The following INPP5A variants were observed in gnomAD, a reference collection of about 807,000 sequenced individuals.
INPP5A encodes the protein 43 kDa inositol polyphosphate 5-phophatase.
INPP5A carries 14 observed loss-of-function variants against 65.2 expected under a neutral mutation model. The observed-to-expected ratio is 0.21, with a 90% CI of 0.14 to 0.34. The LOEUF is 0.34. Among genes scored for constraint, INPP5A ranks in the 10% least tolerant of loss-of-function variants. The pLI is 1.00. For missense variants in INPP5A, 431 were observed against 545.6 expected, an observed-to-expected ratio of 0.79 and a Z score of 2.09; for synonymous variants, 207 against 208.3, an observed-to-expected ratio of 0.99 and a Z score of 0.05.
chr10:132,589,298 T>C (rs1250349721), intron 1 of INPP5A, among the ~76,000 whole-genome samples: 3 of 152,238 alleles, frequency 2.0e-5, no homozygotes, highest in Non-Finnish European at 4.4e-5. Context: ...GCATGCGGGC[T>C]CGAGGAAGCT....
In INPP5A at chr10:132,663,014, T is replaced by A. The variant is rs555904436; in HGVS notation, c.306+12509T>A. Among the ~76,000 whole-genome samples the A allele has an allele frequency of 4.6e-5, 7 of 152,272 alleles. No individual in the cohort carries two copies. Among genetic ancestry groups the A allele is most frequent in the Admixed American group, 1.3e-4 (2 of 15,290 alleles). On this transcript the variant is annotated intron_variant, in intron 4 of 15. Transcript: ENST00000368594. This position sits in a 1 kb window ranked among gnomAD's most constrained non-coding sequence, Gnocchi z 4.5. ...AAAATCTAGTCTTGTGGTGGATGGC[T>A]TGTGAGGGGTCAAACTGCAGATTTA... is the stretch of plus-strand genomic sequence containing the variant.
chr10:132,631,396 G>A (rs78510102), intron 2 of INPP5A, among the ~76,000 whole-genome samples: 2,777 of 152,306 alleles, frequency 0.018, 53 homozygotes, highest in East Asian at 0.071. Flanking sequence ...CCCCCACCCA[G>A]GGCAAGGGTG....
chr10:132,538,018 A>C lies in INPP5A; in HGVS notation c.-79A>C. On this transcript the variant is annotated 5_prime_UTR_variant, in exon 1 of 16. Coordinates refer to ENST00000368594, the MANE Select transcript of INPP5A (RefSeq NM_005539.5). This position sits in a 1 kb window ranked among gnomAD's most constrained non-coding sequence, Gnocchi z 4.1. Reference sequence around the variant, plus strand: ...GCAGCTGACGCCCCGCGGCCCCGCGAAGACCCCGGCCGGCCGGTCCCGGAG... The same window carrying C: ...GCAGCTGACGCCCCGCGGCCCCGCGCAGACCCCGGCCGGCCGGTCCCGGAG... The C allele has an allele frequency of 1.5e-6, 1 of 676,640 alleles. No homozygotes were observed. The highest frequency in any genetic ancestry group is 1.8e-6 in the Non-Finnish European group (1 of 550,254). The allele number at this position is 676,640 out of a possible 1,614,324, so 41.9% of individuals were successfully genotyped here. A position where few individuals can be genotyped will look rare whatever the true frequency, so the allele number is the denominator to read the frequency against.
At chr10:132,607,037 G>A (rs1384573462) in intron 1 of INPP5A, among the ~76,000 whole-genome samples, 2 of 152,200 alleles carry the variant, frequency 1.3e-5, no homozygotes, top group African/African-American at 2.4e-5. Context: ...GAGCGTGGGC[G>A]GCTTGTGCTG....
At chr10:132,681,566 A>G (rs2073045541) in intron 4 of INPP5A, among the ~76,000 whole-genome samples, 1 of 152,254 alleles carries the variant, frequency 6.6e-6, no homozygotes, top group Non-Finnish European at 1.5e-5. Flanking sequence ...CAGTGAGACC[A>G]AGAACCCACC....
At chr10:132,771,462 C>G (rs1346805046) in intron 12 of INPP5A, among the ~76,000 whole-genome samples, 1 of 152,242 alleles carries the variant, frequency 6.6e-6, no homozygotes, top group African/African-American at 2.4e-5. Context: ...AATGCCAGCT[C>G]CATGAAATCA....
chr10:132,776,301 T>G (rs997325264), intron 12 of INPP5A, among the ~76,000 whole-genome samples: 17 of 152,094 alleles, frequency 1.1e-4, no homozygotes, highest in Non-Finnish European at 2.5e-4. Flanking sequence ...TGAGTGTGGC[T>G]CCCGCTGGAG....
At chr10:132,607,679 G>A (rs2071876041) in intron 1 of INPP5A, among the ~76,000 whole-genome samples, 1 of 152,246 alleles carries the variant, frequency 6.6e-6, no homozygotes, top group Non-Finnish European at 1.5e-5. Context: ...GCTTTCCTGA[G>A]ACAGAGTGCA....
chr10:132,635,385 G>GTTTTTTT (rs1564943179), intron 2 of INPP5A, among the ~76,000 whole-genome samples: 17 of 40,154 alleles, frequency 4.2e-4, no homozygotes, highest in Non-Finnish European at 6.7e-4. Context: ...CCTTTTTAAA[G>GTTTTTTT]ATTTTTTTTT....
intron 4 of INPP5A, among the ~76,000 whole-genome samples, chr10:132,689,217 A>G (rs1381387888): frequency 6.6e-6 from 1 of 152,172 alleles, no homozygotes; most frequent in East Asian, 1.9e-4. Flanking sequence ...TTCAGAATGC[A>G]GAGTTGGGGT....
chr10:132,686,857 A>G (rs939940194), intron 4 of INPP5A, among the ~76,000 whole-genome samples: 1 of 152,268 alleles, frequency 6.6e-6, no homozygotes, highest in Admixed American at 6.5e-5. Context: ...AGTTTCATCC[A>G]TGGGGCATAG....
At chr10:132,598,320 C>A (rs1181948253) in intron 1 of INPP5A, among the ~76,000 whole-genome samples, 1 of 152,200 alleles carries the variant, frequency 6.6e-6, no homozygotes, top group African/African-American at 2.4e-5. Context: ...CATAATGTTG[C>A]ATAACCATCA....
intron 11 of INPP5A, among the ~76,000 whole-genome samples, chr10:132,763,048 C>T (rs4880275): frequency 0.2 from 31,010 of 152,144 alleles, 3,352 homozygotes; most frequent in Non-Finnish European, 0.25. Context: ...CTGAGTTACA[C>T]TGGGAGGAAT....
At chr10:132,716,367 C>T (rs1187153952) in intron 8 of INPP5A, among the ~76,000 whole-genome samples, 2 of 152,218 alleles carry the variant, frequency 1.3e-5, no homozygotes, top group African/African-American at 2.4e-5. Flanking sequence ...CAAGCGTCGA[C>T]GTGACGTTGC....
chr10:132,647,713 G>A (rs1034037625), intron 3 of INPP5A, among the ~76,000 whole-genome samples: 1 of 152,136 alleles, frequency 6.6e-6, no homozygotes, highest in Admixed American at 6.5e-5. Context: ...GAGGAGGGTG[G>A]GTGGGGACAT....
chr10:132,657,594 TGA>T (rs67155919), intron 4 of INPP5A, among the ~76,000 whole-genome samples: 12,658 of 152,246 alleles, frequency 0.083, 691 homozygotes, highest in Non-Finnish European at 0.13. Context: ...GGCCCAGGAA[TGA>T]GAGGCCCGCT....
intron 8 of INPP5A, among the ~76,000 whole-genome samples, chr10:132,718,560 C>T (rs1345138691): frequency 1.3e-5 from 2 of 149,092 alleles, no homozygotes; most frequent in Non-Finnish European, 3.0e-5. Context: ...AGACGACTGT[C>T]TTCAGGGTTC....
intron 1 of INPP5A, among the ~76,000 whole-genome samples, chr10:132,557,251 C>T (rs993174677): frequency 3.9e-5 from 6 of 152,348 alleles, no homozygotes; most frequent in African/African-American, 9.6e-5. Context: ...CACCCTCGCC[C>T]GGGGCCACTG....
chr10:132,766,670 G>A (rs911836390), intron 12 of INPP5A, among the ~76,000 whole-genome samples: 112 of 152,040 alleles, frequency 7.4e-4, no homozygotes, highest in African/African-American at 2.7e-3. Context: ...TGTGCTCCAC[G>A]GATGTGTGTG....
Sources: gnomAD v4.1 joint callset for allele counts (sites outside exome capture counted in the v4.1 genomes callset) on GRCh38, gnomAD v4.1.1 for gene constraint, Gnocchi (gnomAD v3.1) non-coding constraint, MANE v1.5 for transcripts, NCBI Gene and HGNC (gene_info 2026-07-23, HGNC 2026-07-21) for gene names.